TRAPPC2: variants seen among roughly 807,000 people sequenced by gnomAD.
The protein encoded by TRAPPC2 is sedlin.
TRAPPC2 carries 4 observed loss-of-function variants against 10.0 expected under a neutral mutation model. That is an observed-to-expected ratio of 0.40 (90% CI 0.20 to 0.92). The LOEUF is 0.92. Ranked by LOEUF, TRAPPC2 falls within the 40% of genes least tolerant of loss-of-function variation. TRAPPC2 has a pLI of 0.35. For synonymous variants in TRAPPC2, 36 were observed against 37.3 expected, an observed-to-expected ratio of 0.97 and a Z score of 0.12; for missense variants, 52 against 108.7, an observed-to-expected ratio of 0.48 and a Z score of 2.32.
In TRAPPC2 at chrX:13,715,987, T is replaced by C. The variant is rs1434186245; in HGVS notation, c.324+17A>G. On this transcript the variant is annotated intron_variant, in intron 5 of 5. Transcript: ENST00000380579. ...TCCTTTCTCATCAGAATTTAAAAAT[T>C]ATAGAACATACCATACCTTTATATA... is the stretch of plus-strand genomic sequence containing the variant. 3 of 1,171,777 alleles carry C rather than the reference T, an allele frequency of 2.6e-6. No homozygotes were observed. The African/African-American group carries it at 5.3e-5, about 21-fold the overall frequency.
chrX:13,723,465 G>A (rs962632206), intron 2 of TRAPPC2, among the ~76,000 whole-genome samples: 1 of 111,786 alleles, frequency 8.9e-6, no homozygotes, highest in Non-Finnish European at 1.9e-5. Flanking sequence ...ACCATGCCCG[G>A]CCTGATTCCA....
chrX:13,717,972 G>T (rs967059342), intron 3 of TRAPPC2, among the ~76,000 whole-genome samples: 1 of 111,883 alleles, frequency 8.9e-6, no homozygotes, highest in African/African-American at 3.3e-5. Flanking sequence ...TGCACACAGG[G>T]AGAAAAATGC....
chrX:13,724,400 T>TA (rs772302164), intron 2 of TRAPPC2, among the ~76,000 whole-genome samples: 4,793 of 82,260 alleles, frequency 0.058, 145 homozygotes, highest in Middle Eastern at 0.087. Context: ...AATATATATT[T>TA]AAAAAAAAAA....
intron 2 of TRAPPC2, chrX:13,721,036 A>AC (rs2046395239): frequency 9.1e-6 from 1 of 110,137 alleles, no homozygotes; most frequent in Non-Finnish European, 1.9e-5. Context: ...CAAAAAAAAA[A>AC]AAAAAACAGA....
chrX:13,717,568 C>T (rs945471533), intron 3 of TRAPPC2, among the ~76,000 whole-genome samples: 1 of 110,407 alleles, frequency 9.1e-6, no homozygotes, highest in African/African-American at 3.3e-5. Context: ...ATGGTGAAAT[C>T]CCATCTCTAC....
intron 2 of TRAPPC2, among the ~76,000 whole-genome samples, chrX:13,731,429 G>C (rs1025921927): frequency 8.9e-6 from 1 of 112,354 alleles, no homozygotes; most frequent in Non-Finnish European, 1.9e-5. Flanking sequence ...ACTCCTGGTT[G>C]TACTAGAACA....
chrX:13,722,923 T>C (rs1485567867), intron 2 of TRAPPC2, among the ~76,000 whole-genome samples: 2 of 108,723 alleles, frequency 1.8e-5, no homozygotes, highest in Non-Finnish European at 3.8e-5. Context: ...ATTAGCCGAG[T>C]GTGGTGGTGG....
At chrX:13,717,034 T>TAAAAAAAAAA (rs1175025577) in intron 3 of TRAPPC2, among the ~76,000 whole-genome samples, 1 of 37,936 alleles carries the variant, frequency 2.6e-5, no homozygotes, top group Non-Finnish European at 4.3e-5. Flanking sequence ...GATACTATGT[T>TAAAAAAAAAA]AAAAAAAAAA....
At chrX:13,716,241 C>A in intron 4 of TRAPPC2, 152 bp from the exon 5 acceptor site, 1 of 671,449 alleles carries the variant, frequency 1.5e-6, no homozygotes, top group Non-Finnish European at 2.2e-6. Flanking sequence ...TTAGTTTTAT[C>A]ATAAAGAGAA....
At chrX:13,726,013 T>C (rs140862904) in intron 2 of TRAPPC2, among the ~76,000 whole-genome samples, 1,687 of 111,588 alleles carry the variant, frequency 0.015, 32 homozygotes, top group African/African-American at 0.048. Flanking sequence ...GTATCAGTGA[T>C]TGAAGATCAA....
At position 13,713,274 on chromosome X, in the gene TRAPPC2, A is replaced by AC. The variant is rs2046238534; in HGVS notation, c.*1132dup. 9.2e-6 allele frequency: 1 copy of AC among 109,109 alleles called. No homozygotes were observed. Among genetic ancestry groups the AC allele is most frequent in the South Asian group, 4.0e-4 (1 of 2,531 alleles). The allele number at this position is 109,109 out of a possible 1,213,427, so 9.0% of individuals were successfully genotyped here. A position where few individuals can be genotyped will look rare whatever the true frequency, so the allele number is the denominator to read the frequency against. ...AAACCAGCCCGGCCAAAATAGCGAA[A>AC]CCCCGTCTCTACTAAAAACACAAAA... On this transcript the variant is annotated 3_prime_UTR_variant, in exon 6 of 6. Transcript: ENST00000380579.
At chrX:13,730,517 C>T (rs2046652391) in intron 2 of TRAPPC2, among the ~76,000 whole-genome samples, 2 of 111,594 alleles carry the variant, frequency 1.8e-5, no homozygotes, top group African/African-American at 3.3e-5. Flanking sequence ...GGCGATTCCT[C>T]AAGGATCTAG....
At position 13,723,235 on chromosome X, in the gene TRAPPC2, T is replaced by C. The variant is rs149516417; in HGVS notation, c.-19-3253A>G. Among the ~76,000 whole-genome samples the C allele has an allele frequency of 1.1e-3, 122 of 111,943 alleles. No homozygotes were observed. In the South Asian group the frequency reaches 0.019, roughly 18 times the overall value. On this transcript the variant is annotated intron_variant, in intron 2 of 5. Coordinates refer to ENST00000380579, the MANE Select transcript of TRAPPC2 (RefSeq NM_001011658.4). ...ATGATTCCAAACTAGTGGCACAATCTTAGCGCACTGCAACCTCCGCCTCCC... is the reference window on the plus strand; with the variant it reads ...ATGATTCCAAACTAGTGGCACAATCCTAGCGCACTGCAACCTCCGCCTCCC...
At chrX:13,717,874 G>A (rs1377207973) in intron 3 of TRAPPC2, among the ~76,000 whole-genome samples, 4 of 112,341 alleles carry the variant, frequency 3.6e-5, no homozygotes, top group Non-Finnish European at 7.5e-5. Context: ...TGTTGCAGAT[G>A]TGGTTAGCTA....
intron 2 of TRAPPC2, among the ~76,000 whole-genome samples, chrX:13,732,131 G>A (rs972853928): frequency 1.2e-3 from 129 of 112,130 alleles, no homozygotes; most frequent in African/African-American, 4.1e-3. Flanking sequence ...GGCATTAAGA[G>A]CAAGGTCAGG....
chrX:13,717,632 G>A (rs911706640), intron 3 of TRAPPC2, among the ~76,000 whole-genome samples: 1 of 110,259 alleles, frequency 9.1e-6, no homozygotes, highest in South Asian at 3.8e-4. Context: ...CCAGCTACTC[G>A]GGAGGCTGAG....
chrX:13,717,132 G>A (rs895311727), intron 3 of TRAPPC2, among the ~76,000 whole-genome samples: 4 of 109,379 alleles, frequency 3.7e-5, no homozygotes, highest in Admixed American at 3.0e-4. Flanking sequence ...CTGAGAGGGC[G>A]GGGCTTCCTG....
intron 2 of TRAPPC2, among the ~76,000 whole-genome samples, chrX:13,727,233 G>A (rs964672063): frequency 3.5e-4 from 39 of 111,902 alleles, no homozygotes; most frequent in Non-Finnish European, 5.1e-4. Flanking sequence ...CTTGAACTCA[G>A]CTCTGCACCA....
At position 13,713,344 on chromosome X, in the gene TRAPPC2, G is replaced by A. The variant is rs1365566859; in HGVS notation, c.*1063C>T. ...GCATGCCTGTAATCCCAGCTACTCG[G>A]GAGGCTGAAGAAGGAGAATTGCTTG... On this transcript the variant is annotated 3_prime_UTR_variant, in exon 6 of 6. Transcript: ENST00000380579. 9.4e-6 allele frequency: 1 copy of A among 106,420 alleles called. No individual in the cohort carries two copies. The highest frequency in any genetic ancestry group is 1.9e-5 in the Non-Finnish European group (1 of 52,043). The allele number at this position is 106,420 out of a possible 1,213,427, so 8.8% of individuals were successfully genotyped here. A position where few individuals can be genotyped will look rare whatever the true frequency, so the allele number is the denominator to read the frequency against.
Sources: allele counts gnomAD v4.1 joint callset (sites outside exome capture counted in the v4.1 genomes callset), GRCh38; gene constraint gnomAD v4.1.1; transcripts MANE v1.5; gene names NCBI Gene and HGNC (gene_info 2026-07-23, HGNC 2026-07-21).